The following RABGAP1L variants were observed in gnomAD, a reference collection of about 807,000 sequenced individuals.
RABGAP1L encodes rab GTPase-activating protein 1-like.
In RABGAP1L, 63 loss-of-function variants were observed where a neutral mutation model predicts 137.7. That is an observed-to-expected ratio of 0.46 (90% CI 0.37 to 0.56). RABGAP1L has a LOEUF of 0.56. Ranked by LOEUF, RABGAP1L falls within the 20% of genes least tolerant of loss-of-function variation. The pLI is 0.00. For synonymous variants in RABGAP1L, 431 were observed against 433.7 expected (o/e 0.99, Z 0.08); for missense variants, 1,095 against 1,244.0 (o/e 0.88, Z 1.80).
At position 174,595,829 on chromosome 1, in the gene RABGAP1L, A is replaced by C. The variant is rs1308127857; in HGVS notation, c.1711-41546A>C. ...TTTTGTTTGTCTGTGCCCTGCCCCC[A>C]GAGGTGGAGCCTACAGAGGCAGGCA... On this transcript the variant is annotated intron_variant, in intron 13 of 25. Coordinates refer to ENST00000681986, the MANE Select transcript of RABGAP1L (RefSeq NM_001366446.1). Among the ~76,000 whole-genome samples, 253 of 89,502 alleles carry C rather than the reference A, an allele frequency of 2.8e-3. 10 individuals are homozygous for C. The highest frequency in any genetic ancestry group is 0.018 in the African/African-American group (204 of 11,168). The allele number at this position is 89,502 out of a possible 152,430, so 58.7% of individuals were successfully genotyped here. A position where few individuals can be genotyped will look rare whatever the true frequency, so the allele number is the denominator to read the frequency against.
At chr1:174,393,541 T>TG (rs910323099) in intron 12 of RABGAP1L, among the ~76,000 whole-genome samples, 28 of 152,062 alleles carry the variant, frequency 1.8e-4, no homozygotes, top group African/African-American at 6.0e-4. Context: ...CTCAGAGAAG[T>TG]GGGTATAGTC....
intron 12 of RABGAP1L, among the ~76,000 whole-genome samples, chr1:174,384,551 T>G (rs746909889): frequency 1.3e-5 from 2 of 152,164 alleles, no homozygotes; most frequent in Non-Finnish European, 1.5e-5. Flanking sequence ...AATTTATGTC[T>G]TATACATAGA....
At chr1:174,338,287 T>C (rs1321888794) in intron 11 of RABGAP1L, among the ~76,000 whole-genome samples, 1 of 152,202 alleles carries the variant, frequency 6.6e-6, no homozygotes, top group Non-Finnish European at 1.5e-5. Context: ...CTCAATCATA[T>C]GTAATCATTA....
At chr1:174,293,628 A>G (rs991444575) in intron 10 of RABGAP1L, among the ~76,000 whole-genome samples, 5 of 152,168 alleles carry the variant, frequency 3.3e-5, no homozygotes, top group African/African-American at 1.2e-4. Flanking sequence ...CAAGGTAAAG[A>G]AATGAAGAGG....
At chr1:174,726,565 C>T (rs188996520) in intron 17 of RABGAP1L, among the ~76,000 whole-genome samples, 37 of 152,070 alleles carry the variant, frequency 2.4e-4, no homozygotes, top group Non-Finnish European at 1.6e-4. Flanking sequence ...TTCATCATTA[C>T]TGAATTATCA....
intron 17 of RABGAP1L, among the ~76,000 whole-genome samples, chr1:174,728,195 T>G (rs1682153912): frequency 6.6e-6 from 1 of 152,250 alleles, no homozygotes; most frequent in South Asian, 2.1e-4. Context: ...CTTGTTGCCT[T>G]GTTCTTTACT....
chr1:174,573,194 TG>T (rs1475642200), intron 13 of RABGAP1L, among the ~76,000 whole-genome samples: 1 of 149,920 alleles, frequency 6.7e-6, no homozygotes, highest in Non-Finnish European at 1.5e-5. Flanking sequence ...ACTATATGTG[TG>T]TGTATATATG....
chr1:174,443,311 T>G (rs1052593338), intron 13 of RABGAP1L, among the ~76,000 whole-genome samples: 10 of 152,168 alleles, frequency 6.6e-5, no homozygotes, highest in African/African-American at 2.4e-4. Flanking sequence ...TTTTCCATAA[T>G]GGCTATTTTA....
intron 13 of RABGAP1L, among the ~76,000 whole-genome samples, chr1:174,447,890 G>GCC (rs11321562): frequency 3.0e-4 from 21 of 69,628 alleles, no homozygotes; most frequent in Admixed American, 8.2e-4. Context: ...ACCCCTTACC[G>GCC]CCCCCCCCCC....
chr1:174,624,947 T>C (rs924161542), intron 13 of RABGAP1L, among the ~76,000 whole-genome samples: 2 of 150,732 alleles, frequency 1.3e-5, no homozygotes, highest in Non-Finnish European at 3.0e-5. Context: ...CTTGGTTCAC[T>C]GCAACCTCCG....
intron 9 of RABGAP1L, among the ~76,000 whole-genome samples, chr1:174,276,343 G>T (rs1203409361): frequency 6.6e-6 from 1 of 152,058 alleles, no homozygotes; most frequent in African/African-American, 2.4e-5. Flanking sequence ...TAGCGATGGG[G>T]TCATGCTTTG....
intron 11 of RABGAP1L, among the ~76,000 whole-genome samples, chr1:174,346,545 G>A (rs1682446289): frequency 6.6e-6 from 1 of 152,028 alleles, no homozygotes; most frequent in African/African-American, 2.4e-5. Flanking sequence ...GCTCATAGAA[G>A]TCTCTAATAA....
intron 13 of RABGAP1L, among the ~76,000 whole-genome samples, chr1:174,560,246 C>T (rs34409674): frequency 0.21 from 31,904 of 152,076 alleles, 3,697 homozygotes; most frequent in Admixed American, 0.25. Context: ...CACGTTTCCT[C>T]ATCCTGCAGA....
intron 13 of RABGAP1L, among the ~76,000 whole-genome samples, chr1:174,602,256 T>G (rs956023517): frequency 6.6e-5 from 10 of 152,196 alleles, no homozygotes; most frequent in African/African-American, 2.4e-4. Context: ...AGTTCCACAT[T>G]GCTGAGAAGG....
intron 13 of RABGAP1L, among the ~76,000 whole-genome samples, chr1:174,505,467 C>CT (rs201584880): frequency 0.21 from 31,084 of 146,138 alleles, 3,488 homozygotes; most frequent in Admixed American, 0.25. Flanking sequence ...TTGTGAAGAC[C>CT]TTTTTTTTTT....
intron 19 of RABGAP1L, among the ~76,000 whole-genome samples, chr1:174,937,371 G>C (rs572233979): frequency 6.6e-6 from 1 of 150,392 alleles, no homozygotes; most frequent in Non-Finnish European, 1.5e-5. Context: ...TGCAACCTCT[G>C]CCTCCCTGGT....
intron 17 of RABGAP1L, among the ~76,000 whole-genome samples, chr1:174,709,869 A>C (rs937458414): frequency 1.3e-5 from 2 of 152,220 alleles, no homozygotes; most frequent in African/African-American, 4.8e-5. Context: ...TGGTAATAAC[A>C]AACTCCTCTG....
Position 174,448,143 on chromosome 1 carries a change from T to A in RABGAP1L, c.1710+53998T>A, listed in dbSNP as rs1655003587. On this transcript the variant is annotated intron_variant, in intron 13 of 25. Transcript: ENST00000681986. The surrounding 1 kb of genome is among the most constrained non-coding windows in gnomAD (Gnocchi z 4.2). ...GAATCCAGGTGGACTGAATGGAGGA[T>A]CCTGAACATGAGCAGTGGCATTGTG... The A allele has an allele frequency of 1.2e-6, 2 of 1,613,128 alleles. No homozygotes were observed. Among genetic ancestry groups the A allele is most frequent in the South Asian group, 2.2e-5 (2 of 91,024 alleles).
At chr1:174,758,050 T>A (rs1573052966) in intron 18 of RABGAP1L, among the ~76,000 whole-genome samples, 1 of 150,838 alleles carries the variant, frequency 6.6e-6, no homozygotes, top group East Asian at 1.9e-4. Flanking sequence ...AGTTCTGAAG[T>A]GTATCTTTGA....
Sources: allele counts gnomAD v4.1 joint callset (sites outside exome capture counted in the v4.1 genomes callset), GRCh38; gene constraint gnomAD v4.1.1; non-coding constraint Gnocchi (gnomAD v3.1); transcripts MANE v1.5; gene names NCBI Gene and HGNC (gene_info 2026-07-23, HGNC 2026-07-21).